The following PCDHA8 variants were observed in gnomAD, a reference collection of about 807,000 sequenced individuals.
PCDHA8 encodes protocadherin alpha 8.
PCDHA8 carries 53 observed loss-of-function variants against 61.8 expected under a neutral mutation model. The ratio of observed to expected loss-of-function variants is 0.86; its 90% CI spans 0.69 to 1.08. The LOEUF is 1.08. Among genes scored for constraint, PCDHA8 ranks in the 50% least tolerant of loss-of-function variants. PCDHA8 has a pLI of 0.00. For synonymous variants in PCDHA8, 618 were observed against 556.6 expected, an observed-to-expected ratio of 1.11 and a Z score of -1.55; for missense variants, 1,293 against 1,245.0, an observed-to-expected ratio of 1.04 and a Z score of -0.58.
At chr5:140,931,057 T>C (rs1554208231) in intron 1 of PCDHA8, among the ~76,000 whole-genome samples, 1 of 152,196 alleles carries the variant, frequency 6.6e-6, no homozygotes, top group Admixed American at 6.5e-5. Context: ...CAATGCTGTG[T>C]CTGGGACTAA....
At position 140,856,397 on chromosome 5, in the gene PCDHA8, C is replaced by T. The variant is rs782776522; in HGVS notation, c.2394+12682C>T. On this transcript the variant is annotated intron_variant, in intron 1 of 3. Coordinates refer to ENST00000531613, the MANE Select transcript of PCDHA8 (RefSeq NM_018911.3). ...CGTGGACAGGCCGCTGCAGGTTTTC[C>T]ATGTGGACGTGGAAGTGAAGGACAT... 3.6e-5 allele frequency: 58 copies of T among 1,598,382 alleles called. 7 individuals carry two copies. In the Admixed American group the frequency reaches 4.9e-4, roughly 13 times the overall value.
intron 1 of PCDHA8, chr5:140,871,242 G>A: frequency 1.2e-6 from 2 of 1,613,980 alleles, no homozygotes; most frequent in Non-Finnish European, 8.5e-7. Flanking sequence ...TGGTACTCAC[G>A]CTGCTGCTGT....
intron 1 of PCDHA8, among the ~76,000 whole-genome samples, chr5:140,941,343 G>C (rs2093045496): frequency 8.8e-6 from 1 of 114,104 alleles, no homozygotes. Context: ...TTCAGATGGA[G>C]TCTTGCTCTG....
chr5:140,842,929 C>T lies in PCDHA8; in HGVS notation c.1608C>T (p.Ser536=), dbSNP rs2150347942. Residue 536 remains serine (S), a synonymous_variant, in exon 1 of 4, where the codon AGC becomes AGT. Coordinates refer to ENST00000531613, the MANE Select transcript of PCDHA8 (RefSeq NM_018911.3). ...TAGAGCTGCTGCAGTTCCAGGTGAG[C>T]GCGCGCGACGCGGGCGTGCCGCCTC... ...EELELLQFQV[S]ARDAGVPPLG... 1.0e-5 allele frequency: 16 copies of T among 1,594,270 alleles called. 1 individual carries two copies. Among genetic ancestry groups the T allele is most frequent in the African/African-American group, 8.1e-5 (6 of 74,356 alleles).
rs369541654 is a variant in PCDHA8 at position 141,010,673 on chromosome 5, A to G, written c.*736A>G. On this transcript the variant is annotated 3_prime_UTR_variant, in exon 4 of 4. Coordinates refer to ENST00000531613, the MANE Select transcript of PCDHA8 (RefSeq NM_018911.3). ...TTTTAACAGAGAACCACCCTGGGAAACAGAAGCAGATCTGATGTGTTTCCT... is the reference window on the plus strand; with the variant it reads ...TTTTAACAGAGAACCACCCTGGGAAGCAGAAGCAGATCTGATGTGTTTCCT... 8.1e-4 allele frequency: 133 copies of G among 163,824 alleles called. No individual in the cohort carries two copies. Among genetic ancestry groups the G allele is most frequent in the Non-Finnish European group, 5.5e-4 (41 of 74,388 alleles). 10.1% of individuals were successfully genotyped at this position (163,824 alleles called of 1,614,324 possible). A position where few individuals can be genotyped will look rare whatever the true frequency, so the allele number is the denominator to read the frequency against.
intron 3 of PCDHA8, among the ~76,000 whole-genome samples, chr5:141,002,021 C>T (rs1177146388): frequency 6.6e-6 from 1 of 152,184 alleles, no homozygotes; most frequent in Non-Finnish European, 1.5e-5. Context: ...GCACAGCCTT[C>T]GGTGCCCTGA....
chr5:140,923,951 G>A (rs763582377), intron 1 of PCDHA8, among the ~76,000 whole-genome samples: 4 of 151,984 alleles, frequency 2.6e-5, no homozygotes, highest in Non-Finnish European at 2.9e-5. Context: ...TTTTCCTCAC[G>A]CCCTAATCTA....
chr5:140,915,966 T>C (rs1420384919), intron 1 of PCDHA8, among the ~76,000 whole-genome samples: 1 of 152,160 alleles, frequency 6.6e-6, no homozygotes, highest in Non-Finnish European at 1.5e-5. Flanking sequence ...ATTTGCCTGA[T>C]ATTTTATTTG....
At chr5:140,852,770 T>C in intron 1 of PCDHA8, 7 of 981,816 alleles carry the variant, frequency 7.1e-6, no homozygotes, top group Non-Finnish European at 8.6e-6. Flanking sequence ...TCTGATTATT[T>C]GATGTGAATA....
intron 1 of PCDHA8, among the ~76,000 whole-genome samples, chr5:140,954,129 G>T (rs1206426573): frequency 6.6e-6 from 1 of 152,160 alleles, no homozygotes; most frequent in Non-Finnish European, 1.5e-5. Context: ...CCTTTTTATG[G>T]ATGCATAGTA....
intron 3 of PCDHA8, among the ~76,000 whole-genome samples, chr5:141,008,000 TA>T (rs2098355741): frequency 6.6e-6 from 1 of 152,264 alleles, no homozygotes; most frequent in Non-Finnish European, 1.5e-5. Context: ...TACATGTTAA[TA>T]AACTTCTGTT....
chr5:140,849,715 T>A (rs2150446343), intron 1 of PCDHA8: 2 of 1,598,584 alleles, frequency 1.3e-6, no homozygotes. Context: ...TACTACTCGT[T>A]GGTGCTGGAC....
chr5:140,884,241 C>G lies in PCDHA8; in HGVS notation c.2394+40526C>G, dbSNP rs782355331. 3.7e-6 allele frequency: 6 copies of G among 1,613,408 alleles called. No homozygotes were observed. The South Asian group carries it at 4.4e-5, about 12-fold the overall frequency. ...CTGGTGAAGGACCACGGTGAGCCCG[C>G]GCTGACGGCCACGGCAACGGTGCTG... On this transcript the variant is annotated intron_variant, in intron 1 of 3. Coordinates refer to ENST00000531613, the MANE Select transcript of PCDHA8 (RefSeq NM_018911.3).
At chr5:140,949,203 T>C (rs879971307) in intron 1 of PCDHA8, among the ~76,000 whole-genome samples, 13 of 151,790 alleles carry the variant, frequency 8.6e-5, no homozygotes, top group East Asian at 1.9e-4. Flanking sequence ...TTCAGTCTTT[T>C]AAAAATCTGT....
chr5:140,870,632 A>G, intron 1 of PCDHA8: 1 of 1,612,930 alleles, frequency 6.2e-7, no homozygotes, highest in Non-Finnish European at 8.5e-7. Flanking sequence ...GTGTCGGTGC[A>G]CGCGGAGAGC....
chr5:140,863,109 G>A, intron 1 of PCDHA8: 1 of 584,624 alleles, frequency 1.7e-6, no homozygotes, highest in Non-Finnish European at 3.4e-6. Flanking sequence ...CCCTGGACGA[G>A]GCGAAAGCTA....
chr5:140,881,595 TTAATA>T (rs2058765091), intron 1 of PCDHA8, among the ~76,000 whole-genome samples: 1 of 152,250 alleles, frequency 6.6e-6, no homozygotes, highest in Non-Finnish European at 1.5e-5. Flanking sequence ...GGGAAATTTA[TTAATA>T]TGATGTGCTT....
intron 1 of PCDHA8, chr5:140,884,171 C>T (rs781800470): frequency 6.2e-7 from 1 of 1,613,414 alleles, no homozygotes; most frequent in Admixed American, 1.7e-5. Context: ...CAGCACGACG[C>T]GCCCTCTGGA....
intron 3 of PCDHA8, among the ~76,000 whole-genome samples, chr5:140,999,639 T>C (rs1554256919): frequency 6.6e-6 from 1 of 152,144 alleles, no homozygotes; most frequent in African/African-American, 2.4e-5. Context: ...TAGAGAAAAC[T>C]GTGCAGCCTG....
Sources: allele counts gnomAD v4.1 joint callset (sites outside exome capture counted in the v4.1 genomes callset), GRCh38; gene constraint gnomAD v4.1.1; transcripts MANE v1.5; gene names NCBI Gene and HGNC (gene_info 2026-07-23, HGNC 2026-07-21).